The following ELMO1 variants were observed in gnomAD, a reference collection of about 807,000 sequenced individuals.
ELMO1 encodes engulfment and cell motility 1.
In ELMO1, 26 loss-of-function variants were observed where a neutral mutation model predicts 98.9. The observed-to-expected ratio is 0.26, with a 90% CI of 0.19 to 0.36. The LOEUF is 0.36. ELMO1 is among the 10% of genes least tolerant of loss of function. The pLI, the probability that ELMO1 is intolerant of heterozygous loss-of-function variation, is 1.00. For missense variants in ELMO1, 627 were observed against 935.2 expected, an observed-to-expected ratio of 0.67 and a Z score of 4.30; for synonymous variants, 346 against 346.0, an observed-to-expected ratio of 1.00 and a Z score of 0.00.
chr7:37,209,488 T>C (rs542844784), intron 13 of ELMO1, among the ~76,000 whole-genome samples: 9 of 152,228 alleles, frequency 5.9e-5, no homozygotes, highest in Non-Finnish European at 7.4e-5. Context: ...GACGATAAAA[T>C]TGCAGTCACA....
At chr7:36,856,787 T>C (rs1802228517) in intron 21 of ELMO1, among the ~76,000 whole-genome samples, 2 of 152,318 alleles carry the variant, frequency 1.3e-5, no homozygotes, top group South Asian at 4.1e-4. Context: ...GAGTTTAGGT[T>C]TCTAGTAGTC....
chr7:37,039,040 T>C (rs888830454), intron 15 of ELMO1, among the ~76,000 whole-genome samples: 12 of 152,176 alleles, frequency 7.9e-5, no homozygotes, highest in African/African-American at 2.9e-4. Context: ...CTTAAGTTAG[T>C]AGCACTTGGA....
At position 37,184,153 on chromosome 7, in the gene ELMO1, T is replaced by C. The variant is rs148442939; in HGVS notation, c.1086+27233A>G. Among the ~76,000 whole-genome samples the C allele has an allele frequency of 1.6e-4, 25 of 152,382 alleles. No individual in the cohort carries two copies. The East Asian group carries it at 4.2e-3, about 26-fold the overall frequency. On this transcript the variant is annotated intron_variant, in intron 13 of 21. Transcript: ENST00000310758. ...CTCATTCTCCATGATCTGGGAATTT[T>C]GGATTCTTTTCCAGATATTATGAAT...
chr7:37,188,455 A>AACAC (rs10684681), intron 13 of ELMO1, among the ~76,000 whole-genome samples: 2 of 110,458 alleles, frequency 1.8e-5, no homozygotes, highest in Middle Eastern at 5.0e-3. Flanking sequence ...CACACACGCA[A>AACAC]ACACACACAC....
At chr7:37,067,672 T>C (rs1391651384) in intron 15 of ELMO1, among the ~76,000 whole-genome samples, 3 of 152,104 alleles carry the variant, frequency 2.0e-5, no homozygotes, top group Non-Finnish European at 2.9e-5. Flanking sequence ...TTTAGAATTA[T>C]AAAATTAACA....
chr7:37,153,465 C>T (rs1226080468), intron 13 of ELMO1, among the ~76,000 whole-genome samples: 1 of 152,208 alleles, frequency 6.6e-6, no homozygotes, highest in African/African-American at 2.4e-5. Flanking sequence ...TCTTCACAAT[C>T]GGCAGACCAG....
At position 37,216,642 on chromosome 7, in the gene ELMO1, C is replaced by T. The variant is rs775406533; in HGVS notation, c.831+3G>A. The T allele has an allele frequency of 2.5e-6, 4 of 1,614,144 alleles. No homozygotes were observed. Among genetic ancestry groups the T allele is most frequent in the Non-Finnish European group, 1.7e-6 (2 of 1,179,986 alleles). On this transcript the variant is annotated splice_donor_region_variant and intron_variant, in intron 11 of 21. Transcript: ENST00000310758. ...AAAGAGGTCACAGCGCATAGGTACT[C>T]ACTGTTAAAATGATGGAACGCAGTT...
At chr7:37,381,478 A>G (rs1372774579) in intron 1 of ELMO1, among the ~76,000 whole-genome samples, 1 of 152,222 alleles carries the variant, frequency 6.6e-6, no homozygotes, top group African/African-American at 2.4e-5. Context: ...ACAACCCTGC[A>G]CTAATGAAGA....
chr7:37,258,451 AAGAG>A (rs72415632), intron 6 of ELMO1, among the ~76,000 whole-genome samples: 21 of 151,034 alleles, frequency 1.4e-4, no homozygotes, highest in South Asian at 2.1e-4. Context: ...AAAAAAAAAT[AAGAG>A]AGAGAGAGAG....
chr7:37,000,664 C>A (rs924198557), intron 16 of ELMO1, among the ~76,000 whole-genome samples: 5 of 152,188 alleles, frequency 3.3e-5, no homozygotes, highest in Non-Finnish European at 7.3e-5. Context: ...CCTAGGCATG[C>A]TTGGCTAAGT....
At chr7:37,120,394 A>C (rs1181353736) in intron 14 of ELMO1, among the ~76,000 whole-genome samples, 1 of 152,178 alleles carries the variant, frequency 6.6e-6, no homozygotes, top group South Asian at 2.1e-4. Context: ...AGGGGTAACA[A>C]ACAGCACCTG....
intron 16 of ELMO1, among the ~76,000 whole-genome samples, chr7:36,938,586 TTAAAA>T (rs1301336838): frequency 3.9e-5 from 6 of 152,378 alleles, no homozygotes; most frequent in Non-Finnish European, 7.3e-5. Flanking sequence ...ATGTTTTAAG[TTAAAA>T]TAAAATATTT....
chr7:37,050,609 AACACACACACAC>A (rs60918785), intron 15 of ELMO1, among the ~76,000 whole-genome samples: 14,323 of 129,528 alleles, frequency 0.11, 832 homozygotes, highest in Middle Eastern at 0.22. Flanking sequence ...AGGTGCTCTG[AACACACACACAC>A]ACACACACAC....
intron 18 of ELMO1, among the ~76,000 whole-genome samples, chr7:36,884,138 T>C (rs1443465297): frequency 6.6e-6 from 1 of 152,052 alleles, no homozygotes; most frequent in Non-Finnish European, 1.5e-5. Context: ...CTGGCCAACA[T>C]GGTGAAATCC....
chr7:37,107,055 C>T (rs1335842261), intron 14 of ELMO1, among the ~76,000 whole-genome samples: 1 of 152,216 alleles, frequency 6.6e-6, no homozygotes, highest in Non-Finnish European at 1.5e-5. Context: ...TCCTTCCCAA[C>T]ATCCCTACAG....
rs143500351 is a variant in ELMO1 at position 37,030,879 on chromosome 7, G to A, written c.1301-17444C>T. 1.8e-3 allele frequency among the ~76,000 whole-genome samples: 281 copies of A among 152,186 alleles called. 5 individuals carry two copies. Among genetic ancestry groups the A allele is most frequent in the African/African-American group, 6.4e-3 (266 of 41,528 alleles). The stretch of plus-strand genomic sequence containing the variant: ...CTATTTTGAACCAAGATAGTTTCCT[G>A]AGCTCCAGACAACTCCTTATTGGAC... On this transcript the variant is annotated intron_variant, in intron 15 of 21. Transcript: ENST00000310758.
intron 16 of ELMO1, among the ~76,000 whole-genome samples, chr7:36,899,470 G>A (rs1223425794): frequency 6.6e-6 from 1 of 152,064 alleles, no homozygotes; most frequent in African/African-American, 2.4e-5. Context: ...AGGCAAGGAG[G>A]TAGGAAGTAC....
intron 8 of ELMO1, among the ~76,000 whole-genome samples, chr7:37,226,846 G>A (rs1242410468): frequency 2.0e-5 from 3 of 152,064 alleles, no homozygotes; most frequent in Non-Finnish European, 4.4e-5. Context: ...CATTGCGTGT[G>A]TACTATGTAA....
intron 16 of ELMO1, among the ~76,000 whole-genome samples, chr7:36,943,931 C>T (rs1787261749): frequency 6.6e-6 from 1 of 152,040 alleles, no homozygotes; most frequent in Non-Finnish European, 1.5e-5. Context: ...AAAATCACAA[C>T]AATAGGGCTG....
Sources: allele counts gnomAD v4.1 joint callset (sites outside exome capture counted in the v4.1 genomes callset), GRCh38; gene constraint gnomAD v4.1.1; transcripts MANE v1.5; gene names NCBI Gene and HGNC (gene_info 2026-07-23, HGNC 2026-07-21).